The following EGFLAM variants were observed in gnomAD, a reference collection of about 807,000 sequenced individuals.
EGFLAM encodes the protein EGF like, fibronectin type III and laminin G domains.
In EGFLAM, 79 loss-of-function variants were observed where a neutral mutation model predicts 113.1. The ratio of observed to expected loss-of-function variants is 0.70; its 90% CI spans 0.58 to 0.84. The LOEUF (loss-of-function observed/expected upper bound fraction) is 0.84. Ranked by LOEUF, EGFLAM falls within the 40% of genes least tolerant of loss-of-function variation. EGFLAM has a pLI of 0.00. For synonymous variants in EGFLAM, 504 were observed against 487.6 expected, an observed-to-expected ratio of 1.03 and a Z score of -0.44; for missense variants, 1,265 against 1,291.6, an observed-to-expected ratio of 0.98 and a Z score of 0.32.
chr5:38,400,354 T>G (rs1741076242), intron 6 of EGFLAM, among the ~76,000 whole-genome samples: 1 of 152,258 alleles, frequency 6.6e-6, no homozygotes, highest in African/African-American at 2.4e-5. Context: ...CTTTTTTTAA[T>G]AACCCCTGAA....
At chr5:38,265,195 C>T (rs1382046762) in intron 1 of EGFLAM, among the ~76,000 whole-genome samples, 2 of 152,186 alleles carry the variant, frequency 1.3e-5, no homozygotes, top group Admixed American at 1.3e-4. Flanking sequence ...ATAACCTTAG[C>T]ATTCTTTGGG....
At chr5:38,383,188 T>G (rs1249454550) in intron 6 of EGFLAM, among the ~76,000 whole-genome samples, 1 of 152,214 alleles carries the variant, frequency 6.6e-6, no homozygotes, top group Non-Finnish European at 1.5e-5. Context: ...TAGATTTTTT[T>G]CTGGTGCAAC....
chr5:38,354,969 C>T (rs891598314), intron 5 of EGFLAM, among the ~76,000 whole-genome samples: 2 of 152,158 alleles, frequency 1.3e-5, no homozygotes, highest in Non-Finnish European at 2.9e-5. Context: ...GTGCTGCCTT[C>T]TCTATTGGCA....
chr5:38,363,866 G>T (rs1739991974), intron 5 of EGFLAM, among the ~76,000 whole-genome samples: 1 of 152,166 alleles, frequency 6.6e-6, no homozygotes, highest in African/African-American at 2.4e-5. Context: ...TAAATATTCT[G>T]TGCTTTGCCA....
At chr5:38,385,748 T>C (rs1018388043) in intron 6 of EGFLAM, among the ~76,000 whole-genome samples, 9 of 152,216 alleles carry the variant, frequency 5.9e-5, no homozygotes, top group Admixed American at 5.9e-4. Context: ...TCCCATTGAA[T>C]TATTTTTATA....
chr5:38,328,723 G>GTTTTTTTTTTTTTTTTTTTTTTAAATTTT (rs3077265), intron 1 of EGFLAM, among the ~76,000 whole-genome samples: 1 of 103,026 alleles, frequency 9.7e-6, no homozygotes, highest in African/African-American at 3.6e-5. Context: ...AGCTATACTT[G>GTTTTTTTTTTTTTTTTTTTTTTAAATTTT]TTTTTTTTTT....
chr5:38,350,710 A>C (rs1739599383), intron 4 of EGFLAM, 92 bp downstream of exon 4: 1 of 1,227,202 alleles, frequency 8.1e-7, no homozygotes, highest in South Asian at 1.4e-5. Flanking sequence ...CTATGTGCCA[A>C]GCACTGTGCT....
intron 1 of EGFLAM, among the ~76,000 whole-genome samples, chr5:38,262,533 G>C (rs1388518478): frequency 6.6e-6 from 1 of 152,050 alleles, no homozygotes; most frequent in Non-Finnish European, 1.5e-5. Flanking sequence ...CCCAGCCCCT[G>C]GTAATCACTG....
chr5:38,430,091 G>T, intron 14 of EGFLAM: 1 of 230,806 alleles, frequency 4.3e-6, no homozygotes, highest in South Asian at 6.9e-5. Flanking sequence ...TCTTCACGAT[G>T]ACAGCTTTGC....
chr5:38,306,612 T>C (rs1758723154), intron 1 of EGFLAM, among the ~76,000 whole-genome samples: 1 of 152,220 alleles, frequency 6.6e-6, no homozygotes, highest in Admixed American at 6.5e-5. Context: ...TACATTGTAG[T>C]TACATGCGGA....
At chr5:38,297,638 T>C (rs776238563) in intron 1 of EGFLAM, among the ~76,000 whole-genome samples, 2 of 152,198 alleles carry the variant, frequency 1.3e-5, no homozygotes, top group Non-Finnish European at 2.9e-5. Flanking sequence ...CTAAACTTGC[T>C]TGACCCTGAG....
Position 38,328,001 on chromosome 5 carries a change from CT to C in EGFLAM, c.98-9518del, listed in dbSNP as rs556553530. On this transcript the variant is annotated intron_variant, in intron 1 of 21. Coordinates refer to ENST00000322350, the MANE Select transcript of EGFLAM (RefSeq NM_152403.4). ...TAGTTTTTCCGTATCACACGTAGTA[CT>C]GTGAAGAACATCTGCATGTGGGTAG... is the stretch of plus-strand genomic sequence containing the variant. Among the ~76,000 whole-genome samples the C allele has an allele frequency of 1.4e-4, 22 of 152,316 alleles. No homozygotes were observed. In the East Asian group the frequency reaches 4.1e-3, roughly 28 times the overall value.
intron 6 of EGFLAM, among the ~76,000 whole-genome samples, chr5:38,389,660 C>T (rs1409392531): frequency 6.6e-6 from 1 of 151,936 alleles, no homozygotes; most frequent in African/African-American, 2.4e-5. Context: ...TTTTGTTTCC[C>T]CAGCCTGGAT....
chr5:38,422,121 C>T (rs907908102), intron 12 of EGFLAM, among the ~76,000 whole-genome samples: 6 of 152,102 alleles, frequency 3.9e-5, no homozygotes, highest in Non-Finnish European at 7.4e-5. Flanking sequence ...TTCATGGTCT[C>T]TTTAAGGAAC....
At chr5:38,263,073 C>G (rs1561253584) in intron 1 of EGFLAM, among the ~76,000 whole-genome samples, 1 of 151,978 alleles carries the variant, frequency 6.6e-6, no homozygotes, top group Non-Finnish European at 1.5e-5. Flanking sequence ...TTGCATTTCT[C>G]TAATGACTAA....
At chr5:38,408,741 G>T (rs1179037550) in intron 9 of EGFLAM, among the ~76,000 whole-genome samples, 1 of 152,152 alleles carries the variant, frequency 6.6e-6, no homozygotes, top group Non-Finnish European at 1.5e-5. Flanking sequence ...ATCCACAAAG[G>T]ACAAGTAAAG....
chr5:38,308,898 A>T (rs1758795027), intron 1 of EGFLAM, among the ~76,000 whole-genome samples: 1 of 152,190 alleles, frequency 6.6e-6, no homozygotes. Flanking sequence ...GCCCAACTGT[A>T]CAACAATATG....
intron 18 of EGFLAM, 34 bp downstream of exon 18, chr5:38,448,413 T>C (rs767841310): frequency 6.2e-7 from 1 of 1,603,468 alleles, no homozygotes; most frequent in Non-Finnish European, 8.5e-7. Flanking sequence ...TCCTCAGCTT[T>C]CTGGGGGTAA....
chr5:38,421,219 A>G (rs954910857), intron 12 of EGFLAM, among the ~76,000 whole-genome samples: 3 of 152,100 alleles, frequency 2.0e-5, no homozygotes, highest in African/African-American at 7.2e-5. Context: ...CTTCCACTTC[A>G]TATCCTGTCT....
Sources: allele counts gnomAD v4.1 joint callset (sites outside exome capture counted in the v4.1 genomes callset), GRCh38; gene constraint gnomAD v4.1.1; transcripts MANE v1.5; gene names NCBI Gene and HGNC (gene_info 2026-07-23, HGNC 2026-07-21).